The following CHD6 variants were observed in gnomAD, a reference collection of about 807,000 sequenced individuals.
CHD6 encodes chromodomain helicase DNA binding protein 6, also known as ATP-dependent chromatin remodeler CHD6.
Under a neutral mutation model 276.9 loss-of-function variants are expected in CHD6, and 50 were observed. The ratio of observed to expected loss-of-function variants is 0.18; its 90% CI spans 0.14 to 0.23. CHD6 has a LOEUF of 0.23. Among genes scored for constraint, CHD6 ranks in the 10% least tolerant of loss-of-function variants. CHD6 has a pLI of 1.00. For missense variants in CHD6, 2,564 were observed against 3,365.8 expected, an observed-to-expected ratio of 0.76 and a Z score of 5.89; for synonymous variants, 1,173 against 1,229.3, an observed-to-expected ratio of 0.95 and a Z score of 0.96.
At chr20:41,580,197 C>T (rs1410989040) in intron 1 of CHD6, among the ~76,000 whole-genome samples, 1 of 152,176 alleles carries the variant, frequency 6.6e-6, no homozygotes, top group African/African-American at 2.4e-5. Context: ...AATACAGGCA[C>T]CAAAGCTATG....
chr20:41,546,555 G>A (rs566471234), intron 2 of CHD6, among the ~76,000 whole-genome samples: 3 of 152,122 alleles, frequency 2.0e-5, no homozygotes, highest in Non-Finnish European at 4.4e-5. Context: ...TGCCAAGCAG[G>A]AGCTGAGATG....
At position 41,493,883 on chromosome 20, in the gene CHD6, T is replaced by C. The variant is rs149077493; in HGVS notation, c.1154A>G (p.His385Arg). 61 of 1,613,760 alleles carry C rather than the reference T, an allele frequency of 3.8e-5. No individual in the cohort carries two copies. Among genetic ancestry groups the C allele is most frequent in the Non-Finnish European group, 4.9e-5 (58 of 1,179,858 alleles). ...CTCCCCTGTTTCTGCATCCTTGGTG[T>C]GGGCCACCTCCAAGATGCGATCAAC... ...VEVDRILEVAHTKDAETGEEV... is the reference protein window; with the variant it reads ...VEVDRILEVARTKDAETGEEV... Residue 385 changes from histidine (H) to arginine (R), a missense_variant, in exon 9 of 37, where the codon CAC becomes CGC. This residue lies in a region of CHD6 where 457 missense variants were observed against 889.0 expected (regional missense o/e 0.51). Coordinates refer to ENST00000373233, the MANE Select transcript of CHD6 (RefSeq NM_032221.5).
intron 8 of CHD6, 74 bp downstream of exon 8, chr20:41,497,309 AC>A: frequency 1.0e-6 from 1 of 958,228 alleles, no homozygotes; most frequent in Non-Finnish European, 1.7e-6. Flanking sequence ...TTTAACTTGG[AC>A]TTAGAAACGT....
chr20:41,442,959 T>C (rs1010049705), intron 25 of CHD6, among the ~76,000 whole-genome samples: 1 of 152,228 alleles, frequency 6.6e-6, no homozygotes, highest in Non-Finnish European at 1.5e-5. Flanking sequence ...CTCAGTCTCC[T>C]AGCACTGAAA....
intron 25 of CHD6, among the ~76,000 whole-genome samples, chr20:41,442,940 T>C (rs2047944706): frequency 6.6e-6 from 1 of 152,214 alleles, no homozygotes; most frequent in Non-Finnish European, 1.5e-5. Flanking sequence ...TCTGCATTTA[T>C]GGCTTAGGCT....
chr20:41,514,678 C>A, intron 4 of CHD6, 127 bp downstream of exon 4: 1 of 1,064,988 alleles, frequency 9.4e-7, no homozygotes, highest in South Asian at 1.8e-5. Flanking sequence ...CCCACCAAAA[C>A]GGTAAAAGCC....
chr20:41,452,975 C>T lies in CHD6; in HGVS notation c.3121-33G>A, dbSNP rs761023. The T allele has an allele frequency of 3.1e-3, 4,795 of 1,534,136 alleles. 11 individuals carry two copies. Among genetic ancestry groups the T allele is most frequent in the Non-Finnish European group, 3.9e-3 (4,354 of 1,107,918 alleles). ...TGGAGAGGACTACTGGGAAGAAAGT[C>T]CTCTTTTCTCTACTCCTTTCACAAA... On this transcript the variant is annotated intron_variant, in intron 20 of 36. Coordinates refer to ENST00000373233, the MANE Select transcript of CHD6 (RefSeq NM_032221.5). This position sits in a 1 kb window ranked among gnomAD's most constrained non-coding sequence, Gnocchi z 4.2.
chr20:41,456,053 G>C, intron 18 of CHD6, 74 bp from the exon 19 acceptor site: 1 of 1,366,982 alleles, frequency 7.3e-7, no homozygotes, highest in Admixed American at 2.5e-5. Context: ...TCTGGTTTTT[G>C]TGATTCAGTG....
At chr20:41,600,885 A>G (rs2045766548) in intron 1 of CHD6, among the ~76,000 whole-genome samples, 3 of 152,148 alleles carry the variant, frequency 2.0e-5, no homozygotes, top group African/African-American at 7.2e-5. Context: ...GCCCCTCCCT[A>G]TGACTGGCTG....
chr20:41,463,104 T>C (rs2042840280), intron 17 of CHD6, among the ~76,000 whole-genome samples: 4 of 152,090 alleles, frequency 2.6e-5, no homozygotes, highest in Admixed American at 1.3e-4. Flanking sequence ...ACTGGCTAAG[T>C]CTAGAACTAT....
intron 17 of CHD6, among the ~76,000 whole-genome samples, chr20:41,469,756 C>T (rs1275352351): frequency 1.3e-5 from 2 of 152,216 alleles, no homozygotes; most frequent in Admixed American, 6.5e-5. Flanking sequence ...GGGTGTGGCA[C>T]TTACCTGACT....
intron 3 of CHD6, among the ~76,000 whole-genome samples, chr20:41,523,579 T>C (rs76980996): frequency 6.6e-6 from 1 of 152,284 alleles, no homozygotes; most frequent in East Asian, 1.9e-4. Context: ...CATGGCTTCA[T>C]CAGCCAAGAA....
chr20:41,593,212 G>C (rs1392590397), intron 1 of CHD6, among the ~76,000 whole-genome samples: 4 of 147,700 alleles, frequency 2.7e-5, no homozygotes, highest in African/African-American at 9.8e-5. Context: ...AGGGGGGGGG[G>C]GGTTAAATAG....
At chr20:41,520,270 T>C (rs1482525556) in intron 3 of CHD6, among the ~76,000 whole-genome samples, 1 of 152,216 alleles carries the variant, frequency 6.6e-6, no homozygotes, top group Non-Finnish European at 1.5e-5. Flanking sequence ...TGGTGATTCC[T>C]CAGGGATCTA....
intron 36 of CHD6, among the ~76,000 whole-genome samples, chr20:41,407,876 AG>A (rs2046726633): frequency 6.6e-6 from 1 of 152,186 alleles, no homozygotes; most frequent in Non-Finnish European, 1.5e-5. Flanking sequence ...CACTGTACGA[AG>A]GGCTTCAGCA....
chr20:41,610,995 T>C (rs1322758062), intron 1 of CHD6, among the ~76,000 whole-genome samples: 1 of 152,162 alleles, frequency 6.6e-6, no homozygotes, highest in Non-Finnish European at 1.5e-5. Flanking sequence ...ACATCATGCA[T>C]GTTAGTAATA....
chr20:41,419,263 CG>C (rs1328989758), intron 31 of CHD6, among the ~76,000 whole-genome samples: 1 of 151,792 alleles, frequency 6.6e-6, no homozygotes, highest in Non-Finnish European at 1.5e-5. Flanking sequence ...AAAACCAAGA[CG>C]AGGAGTTTAA....
chr20:41,422,463 A>AC (rs767631960), intron 30 of CHD6, among the ~76,000 whole-genome samples: 3 of 151,790 alleles, frequency 2.0e-5, no homozygotes, highest in African/African-American at 4.8e-5. Context: ...ACAAAGTGAG[A>AC]CCCCACCCCC....
In CHD6 at chr20:41,618,361, C is replaced by A. The variant is rs1368468583; in HGVS notation, c.-45G>T. ...TTACCTAAAATGGCTCCTGCAGCAG[C>A]CAAAATACAAACAGCTATTATTTGG... On this transcript the variant is annotated 5_prime_UTR_variant, in exon 1 of 37. Coordinates refer to ENST00000373233, the MANE Select transcript of CHD6 (RefSeq NM_032221.5). The A allele has an allele frequency of 6.6e-6, 1 of 152,102 alleles. No individual in the cohort carries two copies. Among genetic ancestry groups the A allele is most frequent in the East Asian group, 1.9e-4 (1 of 5,156 alleles). 9.4% of individuals were successfully genotyped at this position (152,102 alleles called of 1,614,324 possible). A position where few individuals can be genotyped will look rare whatever the true frequency, so the allele number is the denominator to read the frequency against.
Sources: allele counts gnomAD v4.1 joint callset (sites outside exome capture counted in the v4.1 genomes callset), GRCh38; gene constraint gnomAD v4.1.1; regional missense constraint gnomAD v4.1.1; non-coding constraint Gnocchi (gnomAD v3.1); transcripts MANE v1.5; gene names NCBI Gene and HGNC (gene_info 2026-07-23, HGNC 2026-07-21).